The following TTC17 variants were observed in gnomAD, a reference collection of about 807,000 sequenced individuals.
The protein encoded by TTC17 is tetratricopeptide repeat domain 17.
Under a neutral mutation model 143.8 loss-of-function variants are expected in TTC17, and 58 were observed. That is an observed-to-expected ratio of 0.40 (90% CI 0.33 to 0.50). The LOEUF is 0.50. TTC17 is among the 20% of genes least tolerant of loss of function. The pLI is 0.49. For missense variants in TTC17, 1,273 were observed against 1,392.5 expected, an observed-to-expected ratio of 0.91 and a Z score of 1.37; for synonymous variants, 501 against 497.8, an observed-to-expected ratio of 1.01 and a Z score of -0.09.
chr11:43,460,870 A>C (rs1947852638), intron 21 of TTC17, among the ~76,000 whole-genome samples: 1 of 152,204 alleles, frequency 6.6e-6, no homozygotes, highest in Non-Finnish European at 1.5e-5. Context: ...AAGCAGAAGC[A>C]TCTGGGCTAG....
chr11:43,441,385 T>C (rs1039633627), intron 16 of TTC17, among the ~76,000 whole-genome samples: 1 of 152,184 alleles, frequency 6.6e-6, no homozygotes, highest in Admixed American at 6.5e-5. Flanking sequence ...ATTTTGTGAT[T>C]ACATGCAAAT....
At chr11:43,414,518 T>TA (rs1336235711) in intron 15 of TTC17, 72 bp from the exon 16 acceptor site, 1 of 1,499,372 alleles carries the variant, frequency 6.7e-7, no homozygotes, top group African/African-American at 1.4e-5. Context: ...AAAAGCCATA[T>TA]ACTGTAAACG....
chr11:43,406,759 A>C (rs1858157024), intron 13 of TTC17, among the ~76,000 whole-genome samples: 1 of 152,198 alleles, frequency 6.6e-6, no homozygotes, highest in Admixed American at 6.5e-5. Flanking sequence ...CATGAAGTAG[A>C]ATAATTGAGT....
In TTC17 at chr11:43,389,677, A is replaced by G; in HGVS notation, c.275A>G (p.His92Arg). ...AAACAATTAGTTGCTCAAAAAATTC[A>G]CATAGAAGAGAATGAGGACAGAGAC... ...LEKQLVAQKIHIEENEDRDTG... is the reference protein window; with the variant it reads ...LEKQLVAQKIRIEENEDRDTG... The change falls in exon 3 of 24, where the codon CAC (histidine) becomes CGC (arginine). Residue 92 changes from histidine to arginine, a missense_variant. Physicochemically the swap from His to Arg is conservative, Grantham distance 29. This residue lies in a region of TTC17 where 325 missense variants were observed against 444.2 expected (regional missense o/e 0.73). Transcript: ENST00000039989. 6.2e-7 allele frequency: 1 copy of G among 1,608,464 alleles called. No individual in the cohort carries two copies. Among genetic ancestry groups the G allele is most frequent in the Non-Finnish European group, 8.5e-7 (1 of 1,178,526 alleles).
intron 5 of TTC17, among the ~76,000 whole-genome samples, chr11:43,394,331 C>T (rs993579150): frequency 1.3e-5 from 2 of 152,110 alleles, no homozygotes; most frequent in Non-Finnish European, 1.5e-5. Context: ...AGCAGAGAAG[C>T]AATGTATTGC....
chr11:43,439,652 A>G (rs1947371694), intron 16 of TTC17, among the ~76,000 whole-genome samples: 1 of 151,824 alleles, frequency 6.6e-6, no homozygotes, highest in African/African-American at 2.4e-5. Flanking sequence ...GTATTTTTTA[A>G]TAGAGACAGG....
intron 15 of TTC17, among the ~76,000 whole-genome samples, chr11:43,413,014 ACACACACACACAC>A (rs1946689588): frequency 1.3e-5 from 2 of 151,366 alleles, no homozygotes; most frequent in Admixed American, 6.6e-5. Flanking sequence ...ACACACACAC[ACACACACACACAC>A]AAATGGGGGC....
chr11:43,362,484 G>T (rs1244471252), intron 1 of TTC17, among the ~76,000 whole-genome samples: 1 of 152,172 alleles, frequency 6.6e-6, no homozygotes, highest in Non-Finnish European at 1.5e-5. Context: ...ATCCTTTGGT[G>T]GGTTGAAAAG....
chr11:43,378,264 T>C (rs983694026), intron 1 of TTC17, among the ~76,000 whole-genome samples: 2 of 152,208 alleles, frequency 1.3e-5, no homozygotes, highest in Non-Finnish European at 2.9e-5. Flanking sequence ...CCCCCAATTT[T>C]ATTTTTTCTA....
At chr11:43,465,986 G>A (rs936955551) in intron 21 of TTC17, among the ~76,000 whole-genome samples, 1 of 152,136 alleles carries the variant, frequency 6.6e-6, no homozygotes, top group Non-Finnish European at 1.5e-5. Flanking sequence ...TTAACAGAGT[G>A]AAAAGACAGC....
intron 16 of TTC17, chr11:43,436,092 TTAGGACCTTGTACTGTAG>T: frequency 8.3e-7 from 1 of 1,207,132 alleles, no homozygotes; most frequent in South Asian, 4.2e-5. Flanking sequence ...TCTTGATATT[TTAGGACCTTGTACTGTAG>T]TACTACACGA....
chr11:43,481,170 A>G (rs1029110858), intron 21 of TTC17, among the ~76,000 whole-genome samples: 2 of 152,214 alleles, frequency 1.3e-5, no homozygotes, highest in African/African-American at 4.8e-5. Flanking sequence ...CACCAGAAAG[A>G]TATACCAGTT....
At chr11:43,474,185 A>C (rs1328992231) in intron 21 of TTC17, among the ~76,000 whole-genome samples, 1 of 152,226 alleles carries the variant, frequency 6.6e-6, no homozygotes, top group Non-Finnish European at 1.5e-5. Flanking sequence ...GGAGGCTTCC[A>C]CACAGTGGAG....
chr11:43,412,907 C>T (rs1301749951), intron 15 of TTC17, among the ~76,000 whole-genome samples: 3 of 151,786 alleles, frequency 2.0e-5, no homozygotes, highest in Admixed American at 2.0e-4. Context: ...CAGTCAAACA[C>T]CTAGTAATTG....
intron 5 of TTC17, among the ~76,000 whole-genome samples, chr11:43,393,725 C>T (rs996777291): frequency 1.3e-5 from 2 of 152,266 alleles, no homozygotes; most frequent in African/African-American, 2.4e-5. Context: ...CTCCAGTCAT[C>T]CCATTAGCAT....
intron 15 of TTC17, among the ~76,000 whole-genome samples, 160 bp downstream of exon 15, chr11:43,407,737 G>A (rs1858212082): frequency 6.6e-6 from 1 of 150,388 alleles, no homozygotes; most frequent in Non-Finnish European, 1.5e-5. Context: ...AGCTTTTGTT[G>A]TATTTTGATG....
rs897484920 is a variant in TTC17, at chr11:43,494,799, G to T, written c.*895G>T. 1 of 152,182 alleles carries T rather than the reference G, an allele frequency of 6.6e-6. No homozygotes were observed. The highest frequency in any genetic ancestry group is 6.5e-5 in the Admixed American group (1 of 15,274). 9.4% of individuals were successfully genotyped at this position (152,182 alleles called of 1,614,324 possible). A position where few individuals can be genotyped will look rare whatever the true frequency, so the allele number is the denominator to read the frequency against. ...GGCCTCCAGACTTAGCTCCTCAGGA[G>T]GGTAATGAGCCAAGGTTGAGTGTTT... On this transcript the variant is annotated 3_prime_UTR_variant, in exon 24 of 24. Transcript: ENST00000039989.
At chr11:43,478,800 A>T (rs60252931) in intron 21 of TTC17, among the ~76,000 whole-genome samples, 21,819 of 151,908 alleles carry the variant, frequency 0.14, 4,219 homozygotes, top group African/African-American at 0.44. Flanking sequence ...TAATTTTTAA[A>T]TTTTTTTCAT....
chr11:43,480,407 C>T (rs1948264110), intron 21 of TTC17, among the ~76,000 whole-genome samples: 1 of 151,970 alleles, frequency 6.6e-6, no homozygotes, highest in Admixed American at 6.6e-5. Flanking sequence ...ATACCAGACC[C>T]CCTAGAATTG....
Sources: allele counts gnomAD v4.1 joint callset (sites outside exome capture counted in the v4.1 genomes callset), GRCh38; gene constraint gnomAD v4.1.1; regional missense constraint gnomAD v4.1.1; transcripts MANE v1.5; gene names NCBI Gene and HGNC (gene_info 2026-07-23, HGNC 2026-07-21).